KCNAB1: variants seen among roughly 807,000 people sequenced by gnomAD.
KCNAB1 encodes potassium voltage-gated channel subfamily A regulatory beta subunit 1, also known as voltage-gated potassium channel subunit beta-1.
A neutral mutation model predicts 64.6 loss-of-function variants in KCNAB1; 35 were observed. That is an observed-to-expected ratio of 0.54 (90% CI 0.41 to 0.72). KCNAB1 has a LOEUF of 0.72. KCNAB1 is among the 30% of genes least tolerant of loss of function. KCNAB1 has a pLI of 0.00. For missense variants in KCNAB1, 401 were observed against 512.9 expected (o/e 0.78, Z 2.11); for synonymous variants, 177 against 183.8 (o/e 0.96, Z 0.30).
intron 1 of KCNAB1, among the ~76,000 whole-genome samples, chr3:156,201,774 G>A (rs961595433): frequency 6.6e-6 from 1 of 152,210 alleles, no homozygotes; most frequent in Non-Finnish European, 1.5e-5. Context: ...GTGGCCGTTG[G>A]TGAGTGCAGG....
intron 1 of KCNAB1, among the ~76,000 whole-genome samples, chr3:156,157,275 C>G (rs180752041): frequency 6.6e-6 from 1 of 152,172 alleles, no homozygotes; most frequent in Non-Finnish European, 1.5e-5. Context: ...TCCTACTTAA[C>G]AGAACTCTGA....
chr3:156,182,695 A>ATTTTTTTTTTTTTTTTTTTTTTTT (rs10624040), intron 1 of KCNAB1, among the ~76,000 whole-genome samples: 2 of 132,720 alleles, frequency 1.5e-5, no homozygotes, highest in South Asian at 2.4e-4. Flanking sequence ...AAGTAAGACA[A>ATTTTTTTTTTTTTTTTTTTTTTTT]TTTTTTTTTT....
At chr3:156,244,628 G>T (rs957915287) in intron 1 of KCNAB1, among the ~76,000 whole-genome samples, 1 of 152,172 alleles carries the variant, frequency 6.6e-6, no homozygotes, top group Non-Finnish European at 1.5e-5. Context: ...CCTAGAGTAA[G>T]CCGCTTACTC....
chr3:156,338,330 T>TTTTTTTTTC (rs1723871417), intron 1 of KCNAB1, among the ~76,000 whole-genome samples: 1 of 125,950 alleles, frequency 7.9e-6, no homozygotes, highest in African/African-American at 2.9e-5. Flanking sequence ...TTTTTTTTTT[T>TTTTTTTTTC]ACAGAGTTTA....
chr3:156,229,079 T>C (rs977611347), intron 1 of KCNAB1, among the ~76,000 whole-genome samples: 4 of 152,206 alleles, frequency 2.6e-5, no homozygotes, highest in African/African-American at 7.2e-5. Context: ...ACAGTCTTTT[T>C]GAGGGAGAGG....
intron 1 of KCNAB1, among the ~76,000 whole-genome samples, chr3:156,243,208 G>C (rs1018367495): frequency 6.7e-6 from 1 of 150,218 alleles, no homozygotes; most frequent in Non-Finnish European, 1.5e-5. Flanking sequence ...GCACCTGGCC[G>C]ATGGTGTGCT....
chr3:156,249,700 C>A (rs1483187009), intron 1 of KCNAB1, among the ~76,000 whole-genome samples: 1 of 152,132 alleles, frequency 6.6e-6, no homozygotes, highest in Non-Finnish European at 1.5e-5. Flanking sequence ...AGAATAAAAT[C>A]CAGTCTCCTT....
chr3:156,204,762 G>A (rs946653505), intron 1 of KCNAB1, among the ~76,000 whole-genome samples: 1 of 152,182 alleles, frequency 6.6e-6, no homozygotes, highest in Non-Finnish European at 1.5e-5. Context: ...GAACCCAGGA[G>A]CCGGAGGTTG....
chr3:156,263,585 A>G (rs1718542683), intron 1 of KCNAB1, among the ~76,000 whole-genome samples: 1 of 152,068 alleles, frequency 6.6e-6, no homozygotes, highest in African/African-American at 2.4e-5. Context: ...ATTGAAAAGA[A>G]TGTGTGTTCT....
At chr3:156,461,445 T>C (rs1185959131) in intron 5 of KCNAB1, among the ~76,000 whole-genome samples, 1 of 152,220 alleles carries the variant, frequency 6.6e-6, no homozygotes, top group Non-Finnish European at 1.5e-5. Context: ...ACACCAGTCA[T>C]ATTGGATTAC....
At chr3:156,294,888 A>G (rs1250340455) in intron 1 of KCNAB1, among the ~76,000 whole-genome samples, 1 of 152,182 alleles carries the variant, frequency 6.6e-6, no homozygotes, top group African/African-American at 2.4e-5. Context: ...ACAACTCAAA[A>G]ACTGTCAAAC....
chr3:156,277,683 G>T lies in KCNAB1; in HGVS notation c.276-143933G>T, dbSNP rs1719425005. On this transcript the variant is annotated intron_variant, in intron 1 of 13. Coordinates refer to ENST00000490337, the MANE Select transcript of KCNAB1 (RefSeq NM_172160.3). ...AGATTGCTTCCACATCTTGGCTATT[G>T]TGAATAGTGCTGCAACAAACACAGG... Among the ~76,000 whole-genome samples the T allele has an allele frequency of 2.6e-5, 4 of 152,148 alleles. No homozygotes were observed. In the South Asian group the frequency reaches 8.3e-4, roughly 31 times the overall value.
chr3:156,376,446 T>C (rs1711674483), intron 1 of KCNAB1, among the ~76,000 whole-genome samples: 1 of 151,864 alleles, frequency 6.6e-6, no homozygotes, highest in Non-Finnish European at 1.5e-5. Context: ...AAGAGGACAA[T>C]TTGGAAAGAG....
chr3:156,192,818 G>A (rs1167713082), intron 1 of KCNAB1, among the ~76,000 whole-genome samples: 2 of 151,938 alleles, frequency 1.3e-5, no homozygotes, highest in Non-Finnish European at 2.9e-5. Flanking sequence ...GCTTTCTTTA[G>A]ATTAGTATTA....
chr3:156,361,972 A>G (rs910258717), intron 1 of KCNAB1, among the ~76,000 whole-genome samples: 3 of 152,204 alleles, frequency 2.0e-5, no homozygotes, highest in Non-Finnish European at 4.4e-5. Flanking sequence ...TTATTTGTCT[A>G]TATTTATTCA....
chr3:156,120,117 C>T (rs1713248281), upstream of KCNAB1, among the ~76,000 whole-genome samples: 1 of 152,084 alleles, frequency 6.6e-6, no homozygotes, highest in African/African-American at 2.4e-5. Flanking sequence ...ATAATCTTTC[C>T]CTTGCATTGA....
chr3:156,273,595 G>C (rs919467295), intron 1 of KCNAB1: 2 of 456,528 alleles, frequency 4.4e-6, no homozygotes, highest in African/African-American at 4.0e-5. Flanking sequence ...CTGTGGGGTG[G>C]GAGAAGGGTG....
At chr3:156,180,651 T>G (rs188517369) in intron 1 of KCNAB1, among the ~76,000 whole-genome samples, 1 of 152,362 alleles carries the variant, frequency 6.6e-6, no homozygotes, top group Admixed American at 6.5e-5. Flanking sequence ...TTTGAATACC[T>G]ACCACATGCA....
intron 1 of KCNAB1, among the ~76,000 whole-genome samples, chr3:156,218,769 G>A (rs1715482268): frequency 7.4e-6 from 1 of 135,148 alleles, no homozygotes; most frequent in Admixed American, 7.9e-5. Context: ...TCTGCAGGGT[G>A]GCTAGACCCA....
Sources: gnomAD v4.1 joint callset for allele counts (sites outside exome capture counted in the v4.1 genomes callset) on GRCh38, gnomAD v4.1.1 for gene constraint, MANE v1.5 for transcripts, NCBI Gene and HGNC (gene_info 2026-07-23, HGNC 2026-07-21) for gene names.